CCDC149: variants seen among roughly 807,000 people sequenced by gnomAD.
CCDC149 encodes coiled-coil domain-containing protein 149.
CCDC149 carries 45 observed loss-of-function variants against 59.9 expected under a neutral mutation model. That is an observed-to-expected ratio of 0.75 (90% CI 0.59 to 0.96). The LOEUF (loss-of-function observed/expected upper bound fraction) is 0.96, where lower values mean the gene tolerates loss of function less well. Among genes scored for constraint, CCDC149 ranks in the 40% least tolerant of loss-of-function variants. CCDC149 has a pLI of 0.00. For missense variants in CCDC149, 584 were observed against 664.7 expected, an observed-to-expected ratio of 0.88 and a Z score of 1.33; for synonymous variants, 245 against 260.6, an observed-to-expected ratio of 0.94 and a Z score of 0.58.
chr4:24,814,222 C>T (rs1714857431), intron 12 of CCDC149, among the ~76,000 whole-genome samples: 2 of 152,182 alleles, frequency 1.3e-5, no homozygotes, highest in Non-Finnish European at 2.9e-5. Context: ...GAGACCATTA[C>T]TTGTGCTCAC....
In CCDC149 at chr4:24,912,933, T is replaced by G; in HGVS notation, c.-54A>C. Reference sequence around the variant, plus strand: ...GCCTCCTCCTCCTCGCGACGTCGCGTCGCCGCCGCCGCCCGGGCCCCGCGC... The same window carrying G: ...GCCTCCTCCTCCTCGCGACGTCGCGGCGCCGCCGCCGCCCGGGCCCCGCGC... On this transcript the variant is annotated 5_prime_UTR_variant, in exon 1 of 13. Coordinates refer to ENST00000635206, the MANE Select transcript of CCDC149 (RefSeq NM_001330643.2). 3 of 1,088,106 alleles carry G rather than the reference T, an allele frequency of 2.8e-6. No homozygotes were observed. Among genetic ancestry groups the G allele is most frequent in the Non-Finnish European group, 2.4e-6 (2 of 844,850 alleles). The allele number at this position is 1,088,106 out of a possible 1,614,324, so 67.4% of individuals were successfully genotyped here. A position where few individuals can be genotyped will look rare whatever the true frequency, so the allele number is the denominator to read the frequency against.
chr4:24,934,546 CA>C (rs1478843865), intron 1 of CCDC149, among the ~76,000 whole-genome samples: 1 of 152,196 alleles, frequency 6.6e-6, no homozygotes, highest in African/African-American at 2.4e-5. Flanking sequence ...AAGCAGGCCA[CA>C]AAACTGGCCC....
intron 1 of CCDC149, among the ~76,000 whole-genome samples, chr4:24,948,949 G>C (rs745398948): frequency 6.6e-6 from 1 of 152,084 alleles, no homozygotes; most frequent in Non-Finnish European, 1.5e-5. Context: ...TCTGATCTTC[G>C]TTCATCTTCC....
chr4:24,851,256 CCTTTT>C (rs1269941594), intron 4 of CCDC149, among the ~76,000 whole-genome samples: 1 of 152,200 alleles, frequency 6.6e-6, no homozygotes, highest in Non-Finnish European at 1.5e-5. Context: ...CACATGCCCT[CCTTTT>C]CTTTTCTTTC....
At chr4:24,841,800 G>C (rs1315145818) in intron 4 of CCDC149, among the ~76,000 whole-genome samples, 1 of 152,214 alleles carries the variant, frequency 6.6e-6, no homozygotes, top group Non-Finnish European at 1.5e-5. Context: ...AGCAGTAAAA[G>C]TGTAGGCATG....
intron 1 of CCDC149, among the ~76,000 whole-genome samples, chr4:24,925,088 C>G (rs995943244): frequency 6.6e-6 from 1 of 152,212 alleles, no homozygotes; most frequent in Admixed American, 6.5e-5. Flanking sequence ...CAATCTTCCT[C>G]TTGTTCTGTA....
chr4:24,944,988 T>G (rs1180685293), intron 1 of CCDC149, among the ~76,000 whole-genome samples: 2 of 152,174 alleles, frequency 1.3e-5, no homozygotes, highest in Non-Finnish European at 2.9e-5. Context: ...TACCTGCATG[T>G]TTTATATGAG....
At chr4:24,904,541 A>T (rs1450194497) in intron 1 of CCDC149, among the ~76,000 whole-genome samples, 2 of 152,162 alleles carry the variant, frequency 1.3e-5, no homozygotes, top group African/African-American at 4.8e-5. Flanking sequence ...TTTCTCTTCA[A>T]TCCTACCTAG....
chr4:24,837,525 A>G lies in CCDC149; in HGVS notation c.490-125T>C, dbSNP rs1716624005. 3 of 811,706 alleles carry G rather than the reference A, an allele frequency of 3.7e-6. No individual in the cohort carries two copies. Among genetic ancestry groups the G allele is most frequent in the African/African-American group, 1.7e-5 (1 of 57,878 alleles). 50.3% of individuals were successfully genotyped at this position (811,706 alleles called of 1,614,324 possible). A position where few individuals can be genotyped will look rare whatever the true frequency, so the allele number is the denominator to read the frequency against. On this transcript the variant is annotated intron_variant, in intron 5 of 12. Transcript: ENST00000635206. The surrounding 1 kb of genome is among the most constrained non-coding windows in gnomAD (Gnocchi z 4.3). ...TTTATTAACACTACCCGCATGCCCT[A>G]AAGCCATAAGCGCCACACACTGAAA... is the stretch of plus-strand genomic sequence containing the variant.
upstream of CCDC149, among the ~76,000 whole-genome samples, chr4:24,916,787 G>GGTGTGTGTGTGTGTGTGTGTGTGTGT (rs55857592): frequency 7.0e-6 from 1 of 141,922 alleles, no homozygotes. Context: ...GGTTTATAAT[G>GGTGTGTGTGTGTGTGTGTGTGTGTGT]GTGTGTGTGT....
chr4:24,842,739 T>C (rs1187529424), intron 4 of CCDC149, among the ~76,000 whole-genome samples: 1 of 152,188 alleles, frequency 6.6e-6, no homozygotes, highest in African/African-American at 2.4e-5. Flanking sequence ...GCCTGCTCAG[T>C]CTGTCCTCCA....
chr4:24,925,511 G>A (rs1036814873), intron 1 of CCDC149, among the ~76,000 whole-genome samples: 3 of 151,952 alleles, frequency 2.0e-5, no homozygotes, highest in East Asian at 1.9e-4. Context: ...GTTTTGTTTC[G>A]TTTTATTTTG....
chr4:24,886,962 A>G (rs547840484), intron 1 of CCDC149, among the ~76,000 whole-genome samples: 2 of 152,160 alleles, frequency 1.3e-5, no homozygotes, highest in Admixed American at 6.6e-5. Flanking sequence ...TATTCTCTCA[A>G]AAATATATTT....
At chr4:24,818,968 G>A (rs1419061509) in intron 12 of CCDC149, among the ~76,000 whole-genome samples, 1 of 152,158 alleles carries the variant, frequency 6.6e-6, no homozygotes, top group Non-Finnish European at 1.5e-5. Context: ...AACAAGATAA[G>A]CAAAACTTCA....
chr4:24,944,636 C>G (rs1299930958), intron 1 of CCDC149, among the ~76,000 whole-genome samples: 1 of 151,752 alleles, frequency 6.6e-6, no homozygotes, highest in African/African-American at 2.4e-5. Context: ...GGACAAATAC[C>G]TAATGCATGC....
At chr4:24,873,171 C>T (rs1414484627) in intron 3 of CCDC149, among the ~76,000 whole-genome samples, 1 of 152,116 alleles carries the variant, frequency 6.6e-6, no homozygotes, top group Non-Finnish European at 1.5e-5. Context: ...AGTATGCACC[C>T]ACAGAATGGT....
intron 3 of CCDC149, among the ~76,000 whole-genome samples, chr4:24,861,263 G>GCACGCA (rs1560222863): frequency 6.7e-6 from 1 of 148,402 alleles, no homozygotes; most frequent in East Asian, 2.0e-4. Context: ...ATATATATAT[G>GCACGCA]CACACACACA....
At chr4:24,938,668 C>A (rs1039816156) in intron 1 of CCDC149, among the ~76,000 whole-genome samples, 20 of 151,972 alleles carry the variant, frequency 1.3e-4, no homozygotes, top group African/African-American at 4.8e-4. Context: ...TGACAGACAG[C>A]ACCTGGAAAA....
Position 24,912,873 on chromosome 4 carries a change from C to G in CCDC149, c.7G>C (p.Glu3Gln). The G allele has an allele frequency of 7.3e-7, 1 of 1,363,610 alleles. No homozygotes were observed. Among genetic ancestry groups the G allele is most frequent in the Non-Finnish European group, 9.6e-7 (1 of 1,042,956 alleles). The allele number at this position is 1,363,610 out of a possible 1,614,324, so 84.5% of individuals were successfully genotyped here. A position where few individuals can be genotyped will look rare whatever the true frequency, so the allele number is the denominator to read the frequency against. Reference sequence around the variant, plus strand: ...GTCCGGTCGCCGTTCATGGCCTCCTCCTCCATGCGCTGGCCGGCCTCCTGG... The same window carrying G: ...GTCCGGTCGCCGTTCATGGCCTCCTGCTCCATGCGCTGGCCGGCCTCCTGG... The change falls in exon 1 of 13, where the codon GAG becomes CAG. Residue 3 changes from glutamate to glutamine, a missense_variant. By Grantham distance (29) the Glu-to-Gln change is conservative. Coordinates refer to ENST00000635206, the MANE Select transcript of CCDC149 (RefSeq NM_001330643.2).
Sources: gnomAD v4.1 joint callset for allele counts (sites outside exome capture counted in the v4.1 genomes callset) on GRCh38, gnomAD v4.1.1 for gene constraint, Gnocchi (gnomAD v3.1) non-coding constraint, MANE v1.5 for transcripts, NCBI Gene and HGNC (gene_info 2026-07-23, HGNC 2026-07-21) for gene names.